ENTHD1: variants seen among roughly 807,000 people sequenced by gnomAD.
ENTHD1 encodes the protein ENTH domain-containing protein 1.
A neutral mutation model predicts 39.1 loss-of-function variants in ENTHD1; 23 were observed. That is an observed-to-expected ratio of 0.59 (90% CI 0.42 to 0.83). ENTHD1 has a LOEUF of 0.83. ENTHD1 is among the 40% of genes least tolerant of loss of function. The probability of loss-of-function intolerance (pLI) is 0.00; values close to 1 mark genes in which losing one functional copy is unlikely to be tolerated. For missense variants in ENTHD1, 624 were observed against 705.4 expected, an observed-to-expected ratio of 0.88 and a Z score of 1.31; for synonymous variants, 230 against 258.2, an observed-to-expected ratio of 0.89 and a Z score of 1.05.
At chr22:39,840,815 C>T (rs978504840) in intron 3 of ENTHD1, among the ~76,000 whole-genome samples, 5 of 151,556 alleles carry the variant, frequency 3.3e-5, no homozygotes, top group Admixed American at 2.0e-4. Context: ...AGTGCAGTGG[C>T]GTGATCTCAG....
intron 4 of ENTHD1, among the ~76,000 whole-genome samples, chr22:39,831,320 A>C (rs1263252249): frequency 6.6e-6 from 1 of 152,218 alleles, no homozygotes; most frequent in African/African-American, 2.4e-5. Flanking sequence ...AAGCAATCCC[A>C]AGCTGCCAGT....
chr22:39,870,871 T>G (rs1345914830), intron 2 of ENTHD1, among the ~76,000 whole-genome samples: 2 of 152,158 alleles, frequency 1.3e-5, no homozygotes, highest in Non-Finnish European at 2.9e-5. Context: ...GTGACCACTT[T>G]ACAGAACAGT....
chr22:39,830,178 C>A (rs899162665), intron 4 of ENTHD1, among the ~76,000 whole-genome samples: 5 of 152,136 alleles, frequency 3.3e-5, no homozygotes, highest in African/African-American at 1.2e-4. Context: ...CAGGTTCAAA[C>A]AATTCTCCTG....
At chr22:39,886,299 C>A (rs2066378943) in intron 2 of ENTHD1, among the ~76,000 whole-genome samples, 1 of 152,162 alleles carries the variant, frequency 6.6e-6, no homozygotes, top group African/African-American at 2.4e-5. Context: ...GACATATCTA[C>A]TCTGTATGAT....
intron 5 of ENTHD1, among the ~76,000 whole-genome samples, chr22:39,773,770 A>C (rs528740995): frequency 3.9e-4 from 59 of 152,340 alleles, no homozygotes; most frequent in Non-Finnish European, 7.8e-4. Flanking sequence ...TTGTAAGGTT[A>C]ATTTAATACC....
chr22:39,760,348 C>A (rs752002161), intron 6 of ENTHD1, among the ~76,000 whole-genome samples: 3 of 150,536 alleles, frequency 2.0e-5, no homozygotes, highest in Non-Finnish European at 3.0e-5. Context: ...TGCTGTATAT[C>A]CCTCATGTTT....
Position 39,892,665 on chromosome 22 carries a change from C to CAG in ENTHD1, c.-156+1029_-156+1030insCT, listed in dbSNP as rs201748389. Among the ~76,000 whole-genome samples the CAG allele has an allele frequency of 7.2e-3, 1,093 of 152,290 alleles. 18 individuals carry two copies. The highest frequency in any genetic ancestry group is 0.025 in the African/African-American group (1,045 of 41,560). On this transcript the variant is annotated intron_variant, in intron 1 of 6. Transcript: ENST00000325157. ...GAGCTGAACTGACTTTATCCAAAGACTTGGGACAATAATGACAATAGCATC... is the reference window on the plus strand; with the variant it reads ...GAGCTGAACTGACTTTATCCAAAGACAGTTGGGACAATAATGACAATAGCATC...
At chr22:39,757,688 T>A (rs866868244) in intron 6 of ENTHD1, among the ~76,000 whole-genome samples, 11 of 151,544 alleles carry the variant, frequency 7.3e-5, no homozygotes, top group East Asian at 1.9e-4. Context: ...AAAAAAAAAA[T>A]TTAAAAATTT....
intron 5 of ENTHD1, among the ~76,000 whole-genome samples, chr22:39,775,216 A>G (rs998357877): frequency 6.6e-6 from 1 of 152,200 alleles, no homozygotes; most frequent in Non-Finnish European, 1.5e-5. Context: ...CAAATTTATT[A>G]TTTATAACTT....
At chr22:39,866,643 C>G (rs2066183863) in intron 2 of ENTHD1, among the ~76,000 whole-genome samples, 1 of 152,134 alleles carries the variant, frequency 6.6e-6, no homozygotes, top group Non-Finnish European at 1.5e-5. Context: ...CAGTGAACAC[C>G]CTCTCCCGCT....
At chr22:39,875,950 T>G in intron 2 of ENTHD1, 1 of 1,613,992 alleles carries the variant, frequency 6.2e-7, no homozygotes, top group South Asian at 1.1e-5. Flanking sequence ...GCACTCATCT[T>G]GGTTGTGTAC....
At chr22:39,792,698 A>G (rs2065514115) in intron 5 of ENTHD1, among the ~76,000 whole-genome samples, 2 of 152,056 alleles carry the variant, frequency 1.3e-5, no homozygotes, top group African/African-American at 4.8e-5. Context: ...CTCTATTGCA[A>G]TTTCCCTGTC....
At chr22:39,775,220 A>G (rs952209095) in intron 5 of ENTHD1, among the ~76,000 whole-genome samples, 2 of 152,222 alleles carry the variant, frequency 1.3e-5, no homozygotes, top group Non-Finnish European at 2.9e-5. Context: ...TTTATTATTT[A>G]TAACTTCTTA....
intron 3 of ENTHD1, among the ~76,000 whole-genome samples, chr22:39,849,468 G>A (rs1312168455): frequency 6.6e-6 from 1 of 152,118 alleles, no homozygotes; most frequent in Non-Finnish European, 1.5e-5. Flanking sequence ...TAGTACCAAG[G>A]CTGAGAAACC....
In ENTHD1 at chr22:39,853,259, C is replaced by T. The variant is rs574496520; in HGVS notation, c.592+8506G>A. ...AGTGTATTTCTAGTCACAAAAATTT[C>T]ACCAAACTTAAAAATAAAGACCAAA... On this transcript the variant is annotated intron_variant, in intron 3 of 6. Coordinates refer to ENST00000325157, the MANE Select transcript of ENTHD1 (RefSeq NM_152512.4). 2.0e-5 allele frequency among the ~76,000 whole-genome samples: 3 copies of T among 152,256 alleles called. No homozygotes were observed. The South Asian group carries it at 6.2e-4, about 32-fold the overall frequency.
rs1332153981 is a variant in ENTHD1, at chr22:39,743,745, A to G, written c.1758T>C (p.Asn586=). 2.5e-6 allele frequency: 4 copies of G among 1,614,090 alleles called. No individual in the cohort carries two copies. Among genetic ancestry groups the G allele is most frequent in the Admixed American group, 1.7e-5 (1 of 60,004 alleles). Residue 586 remains asparagine, a synonymous_variant, in exon 7 of 7, where the codon AAT becomes AAC. Transcript: ENST00000325157. The part of the protein sequence containing the change: ...INNILMSMSL[N]SSQISQSSQV... The stretch of plus-strand genomic sequence containing the variant: ...GGGAAGACTGGCTTATTTGTGAACT[A>G]TTCAGACTCATGCTCATCAAGATGT...
chr22:39,845,898 G>GT (rs1019680850), intron 3 of ENTHD1, among the ~76,000 whole-genome samples: 9 of 148,624 alleles, frequency 6.1e-5, no homozygotes, highest in East Asian at 2.0e-4. Flanking sequence ...TTTACATGGT[G>GT]TTTTTTTTTC....
intron 5 of ENTHD1, among the ~76,000 whole-genome samples, chr22:39,795,495 G>A (rs2065541186): frequency 6.6e-6 from 1 of 151,450 alleles, no homozygotes; most frequent in Non-Finnish European, 1.5e-5. Context: ...GTGTGATCAT[G>A]GCTCACTATA....
At chr22:39,764,087 A>G (rs1247419605) in intron 6 of ENTHD1, among the ~76,000 whole-genome samples, 1 of 152,216 alleles carries the variant, frequency 6.6e-6, no homozygotes, top group Non-Finnish European at 1.5e-5. Flanking sequence ...TAATACCAAT[A>G]TAAATTTCTT....
Sources: gnomAD v4.1 joint callset for allele counts (sites outside exome capture counted in the v4.1 genomes callset) on GRCh38, gnomAD v4.1.1 for gene constraint, MANE v1.5 for transcripts, NCBI Gene and HGNC (gene_info 2026-07-23, HGNC 2026-07-21) for gene names.